Variants in MOXD1 observed in about 807,000 individuals in gnomAD.
MOXD1 encodes the protein DBH-like monooxygenase protein 1.
A neutral mutation model predicts 66.6 loss-of-function variants in MOXD1; 62 were observed. That is an observed-to-expected ratio of 0.93 (90% CI 0.76 to 1.15). The LOEUF (loss-of-function observed/expected upper bound fraction) is 1.15, where lower values mean the gene tolerates loss of function less well. Among genes scored for constraint, MOXD1 ranks in the 50% most tolerant of loss-of-function variants. The pLI, the probability that MOXD1 is intolerant of heterozygous loss-of-function variation, is 0.00. For missense variants in MOXD1, 847 were observed against 754.6 expected, an observed-to-expected ratio of 1.12 and a Z score of -1.44; for synonymous variants, 303 against 281.9, an observed-to-expected ratio of 1.07 and a Z score of -0.75.
At position 132,339,905 on chromosome 6, in the gene MOXD1, C is replaced by T. The variant is rs190532522; in HGVS notation, c.664-11311G>A. 3.2e-3 allele frequency among the ~76,000 whole-genome samples: 478 copies of T among 149,636 alleles called. 1 individual carries two copies. Among genetic ancestry groups the T allele is most frequent in the African/African-American group, 2.4e-3 (96 of 40,248 alleles). ...TTTTTTCTGTGATGGAGTCTCACTC[C>T]GTCACCCAGGCTAGAGTGCAGTGGT... On this transcript the variant is annotated intron_variant, in intron 4 of 11. Coordinates refer to ENST00000367963, the MANE Select transcript of MOXD1 (RefSeq NM_015529.4).
At chr6:132,340,071 T>C (rs1775519333) in intron 4 of MOXD1, among the ~76,000 whole-genome samples, 1 of 152,092 alleles carries the variant, frequency 6.6e-6, no homozygotes, top group African/African-American at 2.4e-5. Context: ...GGTTTCACCG[T>C]GTTGGCCAGG....
At chr6:132,322,147 C>G (rs1005937912) in intron 8 of MOXD1, among the ~76,000 whole-genome samples, 2 of 152,126 alleles carry the variant, frequency 1.3e-5, no homozygotes, top group Non-Finnish European at 2.9e-5. Flanking sequence ...CTTTTTAAAG[C>G]CTTCATTCTC....
chr6:132,300,575 C>T (rs1196296044), intron 10 of MOXD1, among the ~76,000 whole-genome samples: 8 of 152,114 alleles, frequency 5.3e-5, no homozygotes, highest in Admixed American at 5.2e-4. Context: ...GCCTCTGGTG[C>T]CCCGCTGTTA....
intron 4 of MOXD1, among the ~76,000 whole-genome samples, chr6:132,334,257 T>C (rs2030332219): frequency 6.6e-6 from 1 of 152,230 alleles, no homozygotes; most frequent in Non-Finnish European, 1.5e-5. Flanking sequence ...TTCTTGATTA[T>C]CTCCACTATA....
Position 132,328,032 on chromosome 6 carries a change from A to T in MOXD1, c.927T>A (p.Asp309Glu), listed in dbSNP as rs775970970. ...ACTCACCTTCCTCATAAGTGGGATT[A>T]TCATAATGGACTTCTAGGAGCACAT... ...PHYVLLEVHY[D>E]NPTYEEGLID... is the part of the protein sequence containing the mutation. The change falls in exon 6 of 12, where the codon GAT becomes GAA. Residue 309 changes from aspartate to glutamate, a missense_variant. Transcript: ENST00000367963. The T allele has an allele frequency of 1.4e-5, 22 of 1,612,708 alleles. No individual in the cohort carries two copies. Among genetic ancestry groups the T allele is most frequent in the Non-Finnish European group, 1.9e-5 (22 of 1,178,878 alleles).
Position 132,372,861 on chromosome 6 carries a change from G to A in MOXD1, c.548C>T (p.Ala183Val), listed in dbSNP as rs1479482537. 4 of 1,613,868 alleles carry A rather than the reference G, an allele frequency of 2.5e-6. No homozygotes were observed. The highest frequency in any genetic ancestry group is 3.4e-6 in the Non-Finnish European group (4 of 1,179,930). Reference protein sequence around the residue: ...NPEKTSVLSTALPYFDLVNQD... With the variant: ...NPEKTSVLSTVLPYFDLVNQD... ...ATTTACCAGATCAAAGTATGGTAAG[G>A]CTGTAGATAGCACACTAGTTTTCTC... Residue 183 changes from alanine (A) to valine (V), a missense_variant, in exon 3 of 12, where the codon GCC (alanine) becomes GTC (valine). Coordinates refer to ENST00000367963, the MANE Select transcript of MOXD1 (RefSeq NM_015529.4).
intron 1 of MOXD1, among the ~76,000 whole-genome samples, chr6:132,389,321 C>T (rs1234102851): frequency 6.6e-6 from 1 of 151,562 alleles, no homozygotes; most frequent in Non-Finnish European, 1.5e-5. Flanking sequence ...TGTGCAAGCA[C>T]ATGCTAGCCC....
intron 6 of MOXD1, among the ~76,000 whole-genome samples, chr6:132,324,927 T>G (rs893044480): frequency 2.0e-5 from 3 of 147,968 alleles, no homozygotes; most frequent in African/African-American, 7.5e-5. Context: ...ATATTCCTCA[T>G]TGCATGTTAT....
At chr6:132,387,525 A>T (rs1221808924) in intron 1 of MOXD1, among the ~76,000 whole-genome samples, 1 of 150,822 alleles carries the variant, frequency 6.6e-6, no homozygotes, top group Non-Finnish European at 1.5e-5. Flanking sequence ...AGGCCGAGGC[A>T]GGTGGATCGC....
At chr6:132,325,357 T>A (rs991786917) in intron 6 of MOXD1, among the ~76,000 whole-genome samples, 1 of 152,186 alleles carries the variant, frequency 6.6e-6, no homozygotes, top group Non-Finnish European at 1.5e-5. Flanking sequence ...AAAAGTAGGT[T>A]TGAATGTTGT....
chr6:132,392,121 C>T (rs1190311992), intron 1 of MOXD1: 18 of 1,440,682 alleles, frequency 1.2e-5, no homozygotes, highest in African/African-American at 7.2e-5. Flanking sequence ...ATTTCTTTGT[C>T]GCCGTTGGCT....
chr6:132,375,287 C>T (rs772119750), intron 1 of MOXD1, among the ~76,000 whole-genome samples: 3 of 152,120 alleles, frequency 2.0e-5, no homozygotes, highest in Non-Finnish European at 4.4e-5. Context: ...CTTTTAATGG[C>T]ATATCCTTAT....
rs1562276293 is a variant in MOXD1, at chr6:132,303,806, C to CGTGTGTGT, written c.1509-5852_1509-5851insACACACAC. 9.3e-4 allele frequency among the ~76,000 whole-genome samples: 85 copies of CGTGTGTGT among 91,270 alleles called. 1 individual carries two copies. Among genetic ancestry groups the CGTGTGTGT allele is most frequent in the South Asian group, 5.0e-3 (10 of 2,014 alleles). The allele number at this position is 91,270 out of a possible 152,430, so 59.9% of individuals were successfully genotyped here. A position where few individuals can be genotyped will look rare whatever the true frequency, so the allele number is the denominator to read the frequency against. On this transcript the variant is annotated intron_variant, in intron 10 of 11. Transcript: ENST00000367963. The stretch of plus-strand genomic sequence containing the variant: ...ACACATATATACATATATACACACA[C>CGTGTGTGT]ATGTGTGTGTGTGTGTGTGTGTGTG...
chr6:132,384,464 G>A (rs187155434), intron 1 of MOXD1, among the ~76,000 whole-genome samples: 5 of 152,212 alleles, frequency 3.3e-5, no homozygotes, highest in African/African-American at 9.6e-5. Flanking sequence ...TAGTTGGGGG[G>A]GACAGACAAT....
At chr6:132,375,710 G>A (rs1283672238) in intron 1 of MOXD1, among the ~76,000 whole-genome samples, 9 of 152,060 alleles carry the variant, frequency 5.9e-5, no homozygotes. Context: ...GTGAGCCACC[G>A]CGCCCAGCCA....
intron 9 of MOXD1, among the ~76,000 whole-genome samples, chr6:132,319,366 T>C (rs1267028544): frequency 6.6e-6 from 1 of 152,028 alleles, no homozygotes; most frequent in Non-Finnish European, 1.5e-5. Context: ...TTTATTTTAC[T>C]GAGCCTTTCT....
chr6:132,337,054 G>C (rs1200449631), intron 4 of MOXD1, among the ~76,000 whole-genome samples: 1 of 152,222 alleles, frequency 6.6e-6, no homozygotes, highest in Non-Finnish European at 1.5e-5. Context: ...CACACAGAGA[G>C]GTACCAGAGA....
chr6:132,317,614 G>T (rs1294690338), intron 9 of MOXD1, among the ~76,000 whole-genome samples: 1 of 152,038 alleles, frequency 6.6e-6, no homozygotes, highest in African/African-American at 2.4e-5. Context: ...GCTGAGGTTT[G>T]GTTGTGTTGG....
At chr6:132,304,290 T>C (rs367938934) in intron 10 of MOXD1, among the ~76,000 whole-genome samples, 46 of 152,258 alleles carry the variant, frequency 3.0e-4, no homozygotes, top group African/African-American at 1.1e-3. Context: ...CAGAAGACAC[T>C]GAAACTGCTG....
Sources: allele counts gnomAD v4.1 joint callset (sites outside exome capture counted in the v4.1 genomes callset), GRCh38; gene constraint gnomAD v4.1.1; transcripts MANE v1.5; gene names NCBI Gene and HGNC (gene_info 2026-07-23, HGNC 2026-07-21).